The following DYNC1I1 variants were observed in gnomAD, a reference collection of about 807,000 sequenced individuals.
DYNC1I1 encodes the protein cytoplasmic dynein 1 intermediate chain 1.
A neutral mutation model predicts 86.6 loss-of-function variants in DYNC1I1; 43 were observed. The observed-to-expected ratio is 0.50, with a 90% CI of 0.39 to 0.64. The LOEUF (loss-of-function observed/expected upper bound fraction) is 0.64, where lower values mean the gene tolerates loss of function less well. DYNC1I1 is among the 30% of genes least tolerant of loss of function. The pLI, the probability that DYNC1I1 is intolerant of heterozygous loss-of-function variation, is 0.00. For missense variants in DYNC1I1, 604 were observed against 788.8 expected, an observed-to-expected ratio of 0.77 and a Z score of 2.81; for synonymous variants, 262 against 283.7, an observed-to-expected ratio of 0.92 and a Z score of 0.77.
chr7:96,043,179 AAAAAG>A (rs1401929963), intron 14 of DYNC1I1, among the ~76,000 whole-genome samples: 2 of 151,780 alleles, frequency 1.3e-5, no homozygotes, highest in African/African-American at 4.8e-5. Context: ...AAAAAAAAAA[AAAAAG>A]AAAGAAAGAA....
At chr7:95,795,565 A>G (rs1794414067) in intron 1 of DYNC1I1, among the ~76,000 whole-genome samples, 1 of 152,230 alleles carries the variant, frequency 6.6e-6, no homozygotes, top group Non-Finnish European at 1.5e-5. Flanking sequence ...CATAAAAAAG[A>G]ACGAGATCAT....
chr7:95,977,408 C>A, intron 6 of DYNC1I1, 104 bp from the exon 7 acceptor site: 3 of 967,942 alleles, frequency 3.1e-6, no homozygotes, highest in South Asian at 1.7e-5. Context: ...AGATGTTGCC[C>A]TAAATGATTG....
chr7:96,017,909 C>A (rs1794441022), intron 10 of DYNC1I1, among the ~76,000 whole-genome samples: 2 of 152,262 alleles, frequency 1.3e-5, no homozygotes, highest in Non-Finnish European at 2.9e-5. Context: ...GGTTTCCAAG[C>A]TGCTAGCTGT....
intron 6 of DYNC1I1, among the ~76,000 whole-genome samples, chr7:95,928,531 G>A (rs1300244748): frequency 6.6e-6 from 1 of 152,110 alleles, no homozygotes; most frequent in African/African-American, 2.4e-5. Context: ...GGCTCCCACT[G>A]CCACACAGGC....
intron 1 of DYNC1I1, among the ~76,000 whole-genome samples, chr7:95,776,311 G>T (rs923694382): frequency 6.6e-6 from 1 of 152,244 alleles, no homozygotes; most frequent in Middle Eastern, 3.4e-3. Context: ...AGTTTCCATC[G>T]TAACATAGAT....
chr7:95,868,080 G>C (rs1339336022), intron 5 of DYNC1I1, among the ~76,000 whole-genome samples: 2 of 152,186 alleles, frequency 1.3e-5, no homozygotes, highest in African/African-American at 2.4e-5. Flanking sequence ...AGGGAGCAAG[G>C]TTTGTCACTT....
chr7:95,920,436 G>A (rs1261023818), intron 6 of DYNC1I1, among the ~76,000 whole-genome samples: 2 of 152,142 alleles, frequency 1.3e-5, no homozygotes, highest in Non-Finnish European at 2.9e-5. Context: ...TAAGATCCTG[G>A]AACAGAAGAA....
rs1236687356 is a variant in DYNC1I1, at chr7:96,076,905, TA to T, written c.1650+713del. On this transcript the variant is annotated intron_variant, in intron 15 of 16. Coordinates refer to ENST00000447467, the MANE Select transcript of DYNC1I1 (RefSeq NM_001135556.2). The stretch of plus-strand genomic sequence containing the variant: ...AATTATGCTATAAAAATTTATGTTT[TA>T]AAAACTATGCCACATGCATTGTTCC... 3.9e-5 allele frequency among the ~76,000 whole-genome samples: 6 copies of T among 152,352 alleles called. No individual in the cohort carries two copies. In the East Asian group the frequency reaches 1.2e-3, roughly 29 times the overall value.
At chr7:95,919,750 G>A (rs1791563351) in intron 6 of DYNC1I1, among the ~76,000 whole-genome samples, 1 of 152,166 alleles carries the variant, frequency 6.6e-6, no homozygotes, top group South Asian at 2.1e-4. Context: ...AAAATATGAA[G>A]TGAGAACAGG....
chr7:95,824,370 G>A (rs1258773889), intron 4 of DYNC1I1, among the ~76,000 whole-genome samples: 1 of 151,950 alleles, frequency 6.6e-6, no homozygotes, highest in East Asian at 1.9e-4. Flanking sequence ...ACAGTATTTT[G>A]TATTTTAGGT....
intron 6 of DYNC1I1, among the ~76,000 whole-genome samples, chr7:95,885,624 G>T (rs1006297830): frequency 3.9e-5 from 6 of 152,246 alleles, no homozygotes; most frequent in African/African-American, 1.2e-4. Flanking sequence ...GGAAACAGGT[G>T]CATGCCACCA....
At chr7:95,865,290 A>T (rs1789988056) in intron 5 of DYNC1I1, among the ~76,000 whole-genome samples, 1 of 152,230 alleles carries the variant, frequency 6.6e-6, no homozygotes. Context: ...GTTTCAATAA[A>T]CCCTTTTATT....
chr7:95,996,111 G>T (rs771048978), intron 10 of DYNC1I1, 38 bp downstream of exon 10: 1 of 1,613,350 alleles, frequency 6.2e-7, no homozygotes, highest in South Asian at 1.1e-5. Context: ...TACATCTCCT[G>T]CTAGACCAAA....
At chr7:96,079,926 T>C (rs980235978) in intron 15 of DYNC1I1, among the ~76,000 whole-genome samples, 1 of 152,234 alleles carries the variant, frequency 6.6e-6, no homozygotes, top group Non-Finnish European at 1.5e-5. Context: ...AATATGACTT[T>C]TTTATTCCAC....
intron 10 of DYNC1I1, among the ~76,000 whole-genome samples, chr7:96,016,302 G>GTTT (rs75914318): frequency 3.0e-5 from 4 of 132,722 alleles, no homozygotes; most frequent in African/African-American, 1.1e-4. Flanking sequence ...AACACTTTAG[G>GTTT]TTTTTTTTTT....
rs372955583 is a variant in DYNC1I1, at chr7:95,888,802, T to G, written c.490+18804T>G. Among the ~76,000 whole-genome samples, 14 of 152,340 alleles carry G rather than the reference T, an allele frequency of 9.2e-5. No homozygotes were observed. The East Asian group carries it at 2.5e-3, about 27-fold the overall frequency. ...CTGTTCGAAGTAATTTTTCTACTTC[T>G]GGGCACAAAATAGCCAGAAAAGCGT... On this transcript the variant is annotated intron_variant, in intron 6 of 16. Coordinates refer to ENST00000447467, the MANE Select transcript of DYNC1I1 (RefSeq NM_001135556.2).
At position 95,950,977 on chromosome 7, in the gene DYNC1I1, A is replaced by G. The variant is rs77380403; in HGVS notation, c.491-26535A>G. Among the ~76,000 whole-genome samples, 1,368 of 152,280 alleles carry G rather than the reference A, an allele frequency of 9.0e-3. 21 individuals carry two copies. The highest frequency in any genetic ancestry group is 0.031 in the African/African-American group (1,293 of 41,564). ...TACTCCCTGAGACTAGTCTCATAAC[A>G]CTTCAAAATGAAATTGTCTGAGCCA... On this transcript the variant is annotated intron_variant, in intron 6 of 16. Coordinates refer to ENST00000447467, the MANE Select transcript of DYNC1I1 (RefSeq NM_001135556.2).
At chr7:95,851,918 C>T (rs1399542974) in intron 5 of DYNC1I1, among the ~76,000 whole-genome samples, 2 of 152,154 alleles carry the variant, frequency 1.3e-5, no homozygotes, top group Non-Finnish European at 1.5e-5. Flanking sequence ...CCCTCCTTGG[C>T]CTCACAAAGT....
intron 5 of DYNC1I1, among the ~76,000 whole-genome samples, chr7:95,842,406 G>T (rs185621037): frequency 6.6e-6 from 1 of 152,330 alleles, no homozygotes; most frequent in African/African-American, 2.4e-5. Context: ...AACAGTTCCA[G>T]GTGCGGGGGC....
Sources: gnomAD v4.1 joint callset for allele counts (sites outside exome capture counted in the v4.1 genomes callset) on GRCh38, gnomAD v4.1.1 for gene constraint, MANE v1.5 for transcripts, NCBI Gene and HGNC (gene_info 2026-07-23, HGNC 2026-07-21) for gene names.